EVA1C: variants seen among roughly 807,000 people sequenced by gnomAD.
EVA1C encodes the protein eva-1 homolog C.
EVA1C carries 25 observed loss-of-function variants against 45.4 expected under a neutral mutation model. The ratio of observed to expected loss-of-function variants is 0.55; its 90% CI spans 0.40 to 0.77. EVA1C has a LOEUF of 0.77. Ranked by LOEUF, EVA1C falls within the 30% of genes least tolerant of loss-of-function variation. The pLI is 0.00. For missense variants in EVA1C, 479 were observed against 554.8 expected (o/e 0.86, Z 1.37); for synonymous variants, 190 against 221.2 (o/e 0.86, Z 1.25).
At position 32,480,961 on chromosome 21, in the gene EVA1C, C is replaced by CA. The variant is rs201056328; in HGVS notation, c.634+13126dup. ...CTGGGCAACAGAGCAAGTGCCGTCT[C>CA]AAAAAAAAAAAAATAAATAAAAATA... On this transcript the variant is annotated intron_variant, in intron 4 of 7. Coordinates refer to ENST00000300255, the MANE Select transcript of EVA1C (RefSeq NM_058187.5). Among the ~76,000 whole-genome samples, 1,114 of 134,972 alleles carry CA rather than the reference C, an allele frequency of 8.3e-3. 13 individuals carry two copies. The highest frequency in any genetic ancestry group is 0.027 in the African/African-American group (987 of 36,794). The allele number at this position is 134,972 out of a possible 152,430, so 88.5% of individuals were successfully genotyped here. A position where few individuals can be genotyped will look rare whatever the true frequency, so the allele number is the denominator to read the frequency against.
chr21:32,480,685 G>A (rs1415424995), intron 4 of EVA1C, among the ~76,000 whole-genome samples: 2 of 151,512 alleles, frequency 1.3e-5, no homozygotes, highest in African/African-American at 2.4e-5. Flanking sequence ...TTTTTTTGCC[G>A]GACACAGTGG....
intron 6 of EVA1C, among the ~76,000 whole-genome samples, chr21:32,502,789 A>G (rs1414924467): frequency 1.3e-5 from 2 of 152,020 alleles, no homozygotes; most frequent in Admixed American, 1.3e-4. Flanking sequence ...TAACTAATTA[A>G]TTAACTATTA....
chr21:32,496,427 T>C (rs536350049), intron 5 of EVA1C, among the ~76,000 whole-genome samples: 1 of 152,324 alleles, frequency 6.6e-6, no homozygotes, highest in Non-Finnish European at 1.5e-5. Context: ...AATGCTGCAA[T>C]AGATATGATG....
At chr21:32,510,043 CTTTTT>C (rs58017017) in intron 7 of EVA1C, among the ~76,000 whole-genome samples, 4 of 114,520 alleles carry the variant, frequency 3.5e-5, no homozygotes, top group African/African-American at 1.1e-4. Context: ...TCCGACATTC[CTTTTT>C]TTTTTTTTTT....
At chr21:32,412,699 C>G (rs533655958), upstream of EVA1C, 257 of 698,810 alleles carry the variant, frequency 3.7e-4, no homozygotes, top group Middle Eastern at 3.5e-3. Flanking sequence ...GGCTGGCCCG[C>G]GCAGGGGAGG....
chr21:32,413,533 TA>T (rs2033916137), intron 1 of EVA1C, among the ~76,000 whole-genome samples: 1 of 152,156 alleles, frequency 6.6e-6, no homozygotes, highest in African/African-American at 2.4e-5. Flanking sequence ...AGGAGATACT[TA>T]GATAAGAGAG....
At chr21:32,481,314 A>G (rs1271528377) in intron 4 of EVA1C, among the ~76,000 whole-genome samples, 1 of 151,992 alleles carries the variant, frequency 6.6e-6, no homozygotes, top group East Asian at 1.9e-4. Context: ...GGTTTTTTCT[A>G]CTTAGGGAGA....
At chr21:32,509,838 G>C (rs2037888022) in intron 7 of EVA1C, among the ~76,000 whole-genome samples, 1 of 151,528 alleles carries the variant, frequency 6.6e-6, no homozygotes, top group Non-Finnish European at 1.5e-5. Flanking sequence ...GCTAACAGAA[G>C]AGCACATGCA....
At chr21:32,482,617 A>C (rs1451186963) in intron 4 of EVA1C, among the ~76,000 whole-genome samples, 1 of 152,152 alleles carries the variant, frequency 6.6e-6, no homozygotes, top group Non-Finnish European at 1.5e-5. Context: ...ATATTTATTG[A>C]GTCGGACACT....
intron 1 of EVA1C, among the ~76,000 whole-genome samples, chr21:32,435,295 C>T (rs577790747): frequency 3.2e-4 from 48 of 152,098 alleles, no homozygotes; most frequent in African/African-American, 1.2e-3. Flanking sequence ...CTCGAGCTAC[C>T]CTCCTGTCTC....
In EVA1C at chr21:32,501,433, C is replaced by G. The variant is rs571660362; in HGVS notation, c.797C>G (p.Thr266Arg). 6.3e-7 allele frequency: 1 copy of G among 1,592,642 alleles called. No homozygotes were observed. The highest frequency in any genetic ancestry group is 1.3e-5 in the African/African-American group (1 of 74,706). Reference protein sequence around the residue: ...TYACVPKNILTAIDPAIANLK... With the variant: ...TYACVPKNILRAIDPAIANLK... ...CTTTTAGTTCCCAAGAACATACTCACAGCGATTGATCCAGCCATTGCTAAT... is the reference window on the plus strand; with the variant it reads ...CTTTTAGTTCCCAAGAACATACTCAGAGCGATTGATCCAGCCATTGCTAAT... The change falls in exon 6 of 8, where the codon ACA (threonine) becomes AGA (arginine). Residue 266 changes from threonine to arginine, a missense_variant. Transcript: ENST00000300255.
At chr21:32,477,545 A>G (rs2036609161) in intron 4 of EVA1C, among the ~76,000 whole-genome samples, 1 of 151,924 alleles carries the variant, frequency 6.6e-6, no homozygotes, top group South Asian at 2.1e-4. Flanking sequence ...CTGGACTTGC[A>G]AGGGGACTGG....
intron 4 of EVA1C, 54 bp downstream of exon 4, chr21:32,467,902 T>C (rs1287130954): frequency 1.8e-6 from 2 of 1,104,252 alleles, no homozygotes; most frequent in East Asian, 3.1e-5. Context: ...ACAGAATTAA[T>C]AGAATATATA....
At chr21:32,502,037 TTTCTTTCTTTCTTTC>T (rs1469687575) in intron 6 of EVA1C, among the ~76,000 whole-genome samples, 7 of 75,830 alleles carry the variant, frequency 9.2e-5, no homozygotes, top group African/African-American at 1.4e-4. Context: ...TCTTTCTTTC[TTTCTTTCTTTCTTTC>T]TTCTTTCTTT....
At chr21:32,487,537 T>G (rs1289480099) in intron 4 of EVA1C, among the ~76,000 whole-genome samples, 2 of 152,052 alleles carry the variant, frequency 1.3e-5, no homozygotes, top group East Asian at 3.9e-4. Flanking sequence ...CTGGCCAACA[T>G]GGTGAAAACC....
At chr21:32,500,430 C>G (rs2037491736) in intron 5 of EVA1C, among the ~76,000 whole-genome samples, 1 of 152,004 alleles carries the variant, frequency 6.6e-6, no homozygotes, top group African/African-American at 2.4e-5. Flanking sequence ...GAATTACAGG[C>G]ATGAGCCATC....
At chr21:32,429,723 A>T (rs1480607539) in intron 1 of EVA1C, among the ~76,000 whole-genome samples, 3 of 152,228 alleles carry the variant, frequency 2.0e-5, no homozygotes, top group African/African-American at 7.2e-5. Context: ...ACTTTAGAAC[A>T]GAGCTGTCCA....
chr21:32,412,087 G>A (rs2033842508), upstream of EVA1C: 1 of 152,290 alleles, frequency 6.6e-6, no homozygotes, highest in Admixed American at 6.5e-5. Flanking sequence ...CCCGGCTCCG[G>A]AGCCATCTGA....
intron 1 of EVA1C, among the ~76,000 whole-genome samples, chr21:32,426,761 C>T (rs1029183269): frequency 1.3e-5 from 2 of 152,202 alleles, no homozygotes; most frequent in African/African-American, 4.8e-5. Flanking sequence ...CTTCCACTTT[C>T]TGAGCATGCC....
Sources: gnomAD v4.1 joint callset for allele counts (sites outside exome capture counted in the v4.1 genomes callset) on GRCh38, gnomAD v4.1.1 for gene constraint, MANE v1.5 for transcripts, NCBI Gene and HGNC (gene_info 2026-07-23, HGNC 2026-07-21) for gene names.